The following RASAL2 variants were observed in gnomAD, a reference collection of about 807,000 sequenced individuals.
RASAL2 encodes the protein RAS protein activator like 2.
A neutral mutation model predicts 128.9 loss-of-function variants in RASAL2; 58 were observed. The ratio of observed to expected loss-of-function variants is 0.45; its 90% CI spans 0.36 to 0.56. RASAL2 has a LOEUF of 0.56. RASAL2 is among the 20% of genes least tolerant of loss of function. The pLI, the probability that RASAL2 is intolerant of heterozygous loss-of-function variation, is 0.00. For synonymous variants in RASAL2, 561 were observed against 580.8 expected (o/e 0.97, Z 0.49); for missense variants, 1,360 against 1,601.6 (o/e 0.85, Z 2.57).
intron 3 of RASAL2, among the ~76,000 whole-genome samples, chr1:178,344,777 T>C (rs1670061783): frequency 6.6e-6 from 1 of 152,226 alleles, no homozygotes; most frequent in African/African-American, 2.4e-5. Context: ...CTGATTCTTA[T>C]ATGCAGAATC....
At chr1:178,357,004 T>C (rs893177598) in intron 3 of RASAL2, among the ~76,000 whole-genome samples, 4 of 152,230 alleles carry the variant, frequency 2.6e-5, no homozygotes, top group African/African-American at 9.6e-5. Flanking sequence ...TTTTTTGCAG[T>C]TGCCAACTTT....
chr1:178,341,637 A>G, intron 3 of RASAL2: 9 of 1,613,850 alleles, frequency 5.6e-6, no homozygotes, highest in Non-Finnish European at 7.6e-6. Context: ...TGAGACCGAA[A>G]TGAAAAGTCA....
At chr1:178,356,948 G>A (rs549816374) in intron 3 of RASAL2, among the ~76,000 whole-genome samples, 8 of 152,168 alleles carry the variant, frequency 5.3e-5, no homozygotes, top group African/African-American at 1.9e-4. Context: ...TTATTCCATT[G>A]TAGATTTATC....
intron 4 of RASAL2, among the ~76,000 whole-genome samples, chr1:178,401,225 C>G (rs1673607205): frequency 6.6e-6 from 1 of 152,188 alleles, no homozygotes; most frequent in Non-Finnish European, 1.5e-5. Flanking sequence ...ACATTGACCT[C>G]TTATGCCATA....
intron 1 of RASAL2, among the ~76,000 whole-genome samples, chr1:178,108,168 T>C (rs547514855): frequency 1.3e-5 from 2 of 152,316 alleles, no homozygotes; most frequent in Admixed American, 1.3e-4. Context: ...TGATATCCCA[T>C]TGTGGTTTTT....
chr1:178,263,832 G>A (rs978414711), intron 1 of RASAL2, among the ~76,000 whole-genome samples: 1 of 152,108 alleles, frequency 6.6e-6, no homozygotes, highest in African/African-American at 2.4e-5. Context: ...TGGGATTACA[G>A]GCCATATGCC....
At chr1:178,232,948 T>A (rs1664072472) in intron 1 of RASAL2, among the ~76,000 whole-genome samples, 1 of 152,164 alleles carries the variant, frequency 6.6e-6, no homozygotes, top group East Asian at 1.9e-4. Flanking sequence ...TTATTTCACT[T>A]AAAAAAATCA....
chr1:178,204,215 T>C (rs1462667545), intron 1 of RASAL2, among the ~76,000 whole-genome samples: 1 of 152,230 alleles, frequency 6.6e-6, no homozygotes. Context: ...GGGTTGGGGA[T>C]TGGTGCGTCT....
At chr1:178,103,129 T>C (rs1369651780) in intron 1 of RASAL2, among the ~76,000 whole-genome samples, 1 of 152,192 alleles carries the variant, frequency 6.6e-6, no homozygotes, top group African/African-American at 2.4e-5. Context: ...TTTACACGTA[T>C]GATAACCCAT....
At chr1:178,307,286 A>T (rs7537811) in intron 3 of RASAL2, among the ~76,000 whole-genome samples, 34,621 of 151,830 alleles carry the variant, frequency 0.23, 6,727 homozygotes, top group African/African-American at 0.53. Flanking sequence ...TAAAAAAAAA[A>T]TTTTTTTCCA....
chr1:178,099,653 T>A (rs1286511090), intron 1 of RASAL2, among the ~76,000 whole-genome samples: 2 of 152,256 alleles, frequency 1.3e-5, no homozygotes, highest in African/African-American at 4.8e-5. Flanking sequence ...GTTATGTTAA[T>A]ATTTCTGCAG....
At chr1:178,172,129 A>G (rs1331538972) in intron 1 of RASAL2, among the ~76,000 whole-genome samples, 1 of 152,054 alleles carries the variant, frequency 6.6e-6, no homozygotes, top group Non-Finnish European at 1.5e-5. Flanking sequence ...TGAAAAATTA[A>G]TAGGAGATGA....
chr1:178,232,029 T>C (rs1571668971), intron 1 of RASAL2, among the ~76,000 whole-genome samples: 1 of 152,192 alleles, frequency 6.6e-6, no homozygotes, highest in Admixed American at 6.5e-5. Context: ...GAAAAAGACT[T>C]AGTGTGAGAC....
At chr1:178,320,114 G>C (rs1234419395) in intron 3 of RASAL2, among the ~76,000 whole-genome samples, 1 of 151,934 alleles carries the variant, frequency 6.6e-6, no homozygotes, top group Non-Finnish European at 1.5e-5. Flanking sequence ...TCGGGGGTCA[G>C]GGGTCAGGGA....
At chr1:178,461,400 C>G (rs1678185593) in intron 14 of RASAL2, among the ~76,000 whole-genome samples, 1 of 152,096 alleles carries the variant, frequency 6.6e-6, no homozygotes, top group African/African-American at 2.4e-5. Context: ...TCTTCTACGT[C>G]TAATGAGTAG....
intron 3 of RASAL2, among the ~76,000 whole-genome samples, chr1:178,322,559 T>G (rs1383944602): frequency 6.6e-6 from 1 of 152,230 alleles, no homozygotes; most frequent in Admixed American, 6.5e-5. Flanking sequence ...TGTTCTCATG[T>G]GGTGGTTGGT....
intron 1 of RASAL2, among the ~76,000 whole-genome samples, chr1:178,176,605 A>G (rs1230060226): frequency 9.5e-6 from 1 of 105,010 alleles, no homozygotes; most frequent in Non-Finnish European, 1.9e-5. Flanking sequence ...GTTAAGCCAT[A>G]TTTGTTGCAT....
rs891823579 is a variant in RASAL2 at position 178,477,044 on chromosome 1, G to C, written c.*3805G>C. On this transcript the variant is annotated 3_prime_UTR_variant, in exon 18 of 18. Transcript: ENST00000367649. ...TTGTGACATTGAGCCCAACACACACGCTTGACACCAGACTAGACTTGTCAC... is the reference window on the plus strand; with the variant it reads ...TTGTGACATTGAGCCCAACACACACCCTTGACACCAGACTAGACTTGTCAC... 1 of 152,632 alleles carries C rather than the reference G, an allele frequency of 6.6e-6. No individual in the cohort carries two copies. Among genetic ancestry groups the C allele is most frequent in the Non-Finnish European group, 1.5e-5 (1 of 68,154 alleles). 9.5% of individuals were successfully genotyped at this position (152,632 alleles called of 1,614,324 possible).
intron 1 of RASAL2, among the ~76,000 whole-genome samples, chr1:178,270,134 C>G (rs1269514922): frequency 1.3e-5 from 2 of 152,120 alleles, no homozygotes; most frequent in Non-Finnish European, 2.9e-5. Context: ...TTTGAGAAGT[C>G]CAGATCTATT....
Sources: allele counts gnomAD v4.1 joint callset (sites outside exome capture counted in the v4.1 genomes callset), GRCh38; gene constraint gnomAD v4.1.1; transcripts MANE v1.5; gene names NCBI Gene and HGNC (gene_info 2026-07-23, HGNC 2026-07-21).